Variants in KCNIP1 observed in about 807,000 individuals in gnomAD.
KCNIP1 encodes potassium voltage-gated channel interacting protein 1.
KCNIP1 carries 18 observed loss-of-function variants against 33.0 expected under a neutral mutation model. The ratio of observed to expected loss-of-function variants is 0.55; its 90% confidence interval spans 0.38 to 0.81. The LOEUF is 0.81. Among genes scored for constraint, KCNIP1 ranks in the 30% least tolerant of loss-of-function variants. The pLI is 0.00. For synonymous variants in KCNIP1, 93 were observed against 98.3 expected, an observed-to-expected ratio of 0.95 and a Z score of 0.32; for missense variants, 238 against 271.6, an observed-to-expected ratio of 0.88 and a Z score of 0.87.
chr5:170,634,048 G>A (rs567384892), intron 1 of KCNIP1, among the ~76,000 whole-genome samples: 1 of 152,030 alleles, frequency 6.6e-6, no homozygotes, highest in Non-Finnish European at 1.5e-5. Context: ...TTGTGAAAAT[G>A]GAGCCAGCGG....
intron 1 of KCNIP1, among the ~76,000 whole-genome samples, chr5:170,581,519 G>A (rs550472775): frequency 7.2e-5 from 11 of 152,354 alleles, no homozygotes; most frequent in African/African-American, 2.6e-4. Context: ...CAGTGGACAT[G>A]AGTGAATCAT....
At chr5:170,567,523 G>T (rs901357583) in intron 1 of KCNIP1, among the ~76,000 whole-genome samples, 1 of 152,198 alleles carries the variant, frequency 6.6e-6, no homozygotes, top group African/African-American at 2.4e-5. Flanking sequence ...AAGTCCAGAG[G>T]TGGAAAAAAG....
intron 1 of KCNIP1, among the ~76,000 whole-genome samples, chr5:170,668,892 G>C (rs1202724074): frequency 6.6e-6 from 1 of 152,178 alleles, no homozygotes; most frequent in Non-Finnish European, 1.5e-5. Context: ...ATCTCTGAAA[G>C]AATCACTAGG....
intron 1 of KCNIP1, among the ~76,000 whole-genome samples, chr5:170,515,560 A>G (rs1755090264): frequency 6.6e-6 from 1 of 152,228 alleles, no homozygotes; most frequent in African/African-American, 2.4e-5. Flanking sequence ...TGTGCTAGAC[A>G]CTTTAGCAAC....
intron 1 of KCNIP1, among the ~76,000 whole-genome samples, chr5:170,395,643 G>A (rs1157084564): frequency 6.6e-6 from 1 of 152,340 alleles, no homozygotes; most frequent in South Asian, 2.1e-4. Context: ...AGAACAGGTG[G>A]ATAGAGATGG....
chr5:170,703,620 T>A (rs965140786), intron 1 of KCNIP1, among the ~76,000 whole-genome samples: 3 of 136,682 alleles, frequency 2.2e-5, no homozygotes, highest in African/African-American at 5.4e-5. Flanking sequence ...CAAAAAAAAA[T>A]TAATTTAAAA....
chr5:170,451,516 G>A (rs1308765318), intron 1 of KCNIP1, among the ~76,000 whole-genome samples: 1 of 151,784 alleles, frequency 6.6e-6, no homozygotes, highest in African/African-American at 2.4e-5. Flanking sequence ...TCAACTGCAG[G>A]TGTGTTCCTG....
At chr5:170,567,688 G>C (rs547817319) in intron 1 of KCNIP1, among the ~76,000 whole-genome samples, 1 of 152,358 alleles carries the variant, frequency 6.6e-6, no homozygotes, top group Admixed American at 6.5e-5. Flanking sequence ...CACCATGGTG[G>C]ATGTGGATGG....
At chr5:170,501,161 G>T (rs1425850516), upstream of KCNIP1, among the ~76,000 whole-genome samples, 1 of 152,168 alleles carries the variant, frequency 6.6e-6, no homozygotes, top group Non-Finnish European at 1.5e-5. Context: ...AGAAGCCCTG[G>T]GTGCTATGGA....
chr5:170,412,029 C>G (rs1373110890), intron 1 of KCNIP1, among the ~76,000 whole-genome samples: 1 of 152,162 alleles, frequency 6.6e-6, no homozygotes, highest in Non-Finnish European at 1.5e-5. Flanking sequence ...TAGCAGAGGG[C>G]CTGCCCATAG....
chr5:170,504,202 C>G lies in KCNIP1; in HGVS notation c.-371C>G. ...GGGCGGGCGGACGGCGGCTCCCGCA[C>G]CGCACGCGGCGCTGGCTCGGCAGCC... On this transcript the variant is annotated 5_prime_UTR_variant, in exon 1 of 8. Coordinates refer to ENST00000328939, the MANE Select transcript of KCNIP1 (RefSeq NM_014592.4). This position sits in a 1 kb window ranked among gnomAD's most constrained non-coding sequence, Gnocchi z 6.0. 1 of 1,038,812 alleles carries G rather than the reference C, an allele frequency of 9.6e-7. No individual in the cohort carries two copies. Among genetic ancestry groups the G allele is most frequent in the South Asian group, 4.5e-5 (1 of 22,066 alleles). 64.3% of individuals were successfully genotyped at this position (1,038,812 alleles called of 1,614,324 possible).
At chr5:170,390,126 G>A (rs949857038) in intron 1 of KCNIP1, among the ~76,000 whole-genome samples, 10 of 151,032 alleles carry the variant, frequency 6.6e-5, no homozygotes, top group Non-Finnish European at 1.0e-4. Flanking sequence ...CTAGCAATAA[G>A]ACAAGTGAAT....
chr5:170,715,999 G>C (rs1763632678), intron 1 of KCNIP1, among the ~76,000 whole-genome samples: 1 of 152,180 alleles, frequency 6.6e-6, no homozygotes, highest in African/African-American at 2.4e-5. Context: ...GGAATCCCCA[G>C]GTGGCAACAG....
At chr5:170,370,697 G>A (rs1763820446) in intron 1 of KCNIP1, among the ~76,000 whole-genome samples, 1 of 152,212 alleles carries the variant, frequency 6.6e-6, no homozygotes, top group Non-Finnish European at 1.5e-5. Flanking sequence ...GTCCCTCAAG[G>A]AGGGAGACCT....
intron 1 of KCNIP1, among the ~76,000 whole-genome samples, chr5:170,494,108 A>G (rs970001068): frequency 6.6e-6 from 1 of 152,186 alleles, no homozygotes; most frequent in South Asian, 2.1e-4. Context: ...AGCCTTCCTC[A>G]GTCTCCTCAC....
intron 1 of KCNIP1, among the ~76,000 whole-genome samples, chr5:170,509,044 A>T (rs1350616866): frequency 6.6e-6 from 1 of 152,130 alleles, no homozygotes; most frequent in Non-Finnish European, 1.5e-5. Context: ...ACTATAAATA[A>T]TGGAATGGTT....
chr5:170,504,006 C>T, upstream of KCNIP1: 1 of 982,574 alleles, frequency 1.0e-6, no homozygotes, highest in Non-Finnish European at 1.2e-6. This position sits in a 1 kb window ranked among gnomAD's most constrained non-coding sequence, Gnocchi z 6.0. Context: ...CTCCGCCGCC[C>T]CCTCCGCCGC....
At chr5:170,594,578 TC>T (rs1758377574) in intron 1 of KCNIP1, among the ~76,000 whole-genome samples, 2 of 152,150 alleles carry the variant, frequency 1.3e-5, no homozygotes, top group Admixed American at 1.3e-4. Context: ...TGGCACAGTC[TC>T]GGCTCACTGC....
intron 1 of KCNIP1, among the ~76,000 whole-genome samples, chr5:170,466,267 C>T (rs1756607097): frequency 6.6e-6 from 1 of 151,864 alleles, no homozygotes; most frequent in South Asian, 2.1e-4. Context: ...GAAAGGACAC[C>T]CAAGAGGAGG....
Sources: allele counts gnomAD v4.1 joint callset (sites outside exome capture counted in the v4.1 genomes callset), GRCh38; gene constraint gnomAD v4.1.1; non-coding constraint Gnocchi (gnomAD v3.1); transcripts MANE v1.5; gene names NCBI Gene and HGNC (gene_info 2026-07-23, HGNC 2026-07-21).